The following ADGRL2 variants were observed in gnomAD, a reference collection of about 807,000 sequenced individuals.
ADGRL2 encodes the protein adhesion G protein-coupled receptor L2.
In ADGRL2, 44 loss-of-function variants were observed where a neutral mutation model predicts 157.4. That is an observed-to-expected ratio of 0.28 (90% CI 0.22 to 0.36). The LOEUF is 0.36. Among genes scored for constraint, ADGRL2 ranks in the 10% least tolerant of loss-of-function variants. The probability of loss-of-function intolerance (pLI) is 1.00; values close to 1 mark genes in which losing one functional copy is unlikely to be tolerated. For missense variants in ADGRL2, 1,510 were observed against 1,768.9 expected (o/e 0.85, Z 2.63); for synonymous variants, 585 against 624.7 (o/e 0.94, Z 0.95).
chr1:81,941,823 T>C (rs149253224), intron 4 of ADGRL2, among the ~76,000 whole-genome samples: 63 of 151,964 alleles, frequency 4.1e-4, no homozygotes, highest in African/African-American at 1.5e-3. Context: ...AAATGATTGA[T>C]CCATGTTCTT....
intron 2 of ADGRL2, among the ~76,000 whole-genome samples, chr1:81,482,635 G>A (rs1003202828): frequency 7.2e-5 from 11 of 151,946 alleles, no homozygotes; most frequent in African/African-American, 2.2e-4. Flanking sequence ...ATTCTAGATA[G>A]TAGTAATTAT....
intron 1 of ADGRL2, among the ~76,000 whole-genome samples, chr1:81,821,582 A>G (rs1185302070): frequency 6.6e-6 from 1 of 152,166 alleles, no homozygotes; most frequent in Non-Finnish European, 1.5e-5. Context: ...ACTACTGTAA[A>G]TTGCATTATA....
At position 81,986,906 on chromosome 1, in the gene ADGRL2, A is replaced by T. The variant is rs1469522783; in HGVS notation, c.3514A>T (p.Thr1172Ser). 1.2e-6 allele frequency: 2 copies of T among 1,606,694 alleles called. No individual in the cohort carries two copies. Among genetic ancestry groups the T allele is most frequent in the African/African-American group, 1.3e-5 (1 of 74,346 alleles). ...NSTSTLNQGM[T>S]GNYLLTNPLL... ...GTTTTTTTTTTTTACTTTAGGAATGACTGGCAATTACCTACTAACAAACCC... is the reference window on the plus strand; with the variant it reads ...GTTTTTTTTTTTTACTTTAGGAATGTCTGGCAATTACCTACTAACAAACCC... The change falls in exon 22 of 24, where the codon ACT becomes TCT. Residue 1172 changes from threonine (T) to serine (S), a missense_variant. Thr to Ser is a moderately conservative substitution (Grantham distance 58). Coordinates refer to ENST00000686636, the MANE Select transcript of ADGRL2 (RefSeq NM_001366006.2).
At chr1:81,827,275 A>G (rs941493621) in intron 1 of ADGRL2, among the ~76,000 whole-genome samples, 1 of 152,158 alleles carries the variant, frequency 6.6e-6, no homozygotes, top group East Asian at 1.9e-4. Context: ...TATATCCAGT[A>G]TTTCATATGG....
chr1:81,432,049 A>C (rs1459671510), intron 1 of ADGRL2, among the ~76,000 whole-genome samples: 1 of 152,238 alleles, frequency 6.6e-6, no homozygotes, highest in Non-Finnish European at 1.5e-5. Flanking sequence ...ATTGTTCTTC[A>C]ACAAATAATT....
intron 13 of ADGRL2, among the ~76,000 whole-genome samples, chr1:81,967,541 G>A (rs6598974): frequency 0.99 from 151,443 of 152,226 alleles, 75,333 homozygotes; most frequent in Non-Finnish European, 1. Flanking sequence ...GATTACAGGC[G>A]TGAGCCACCG....
chr1:81,655,897 G>A (rs113481486), intron 3 of ADGRL2, among the ~76,000 whole-genome samples: 29 of 152,180 alleles, frequency 1.9e-4, no homozygotes, highest in South Asian at 8.3e-4. Flanking sequence ...AAAGTCCCCC[G>A]GAGATCATCT....
chr1:81,783,545 AAAAT>A (rs1464151020), intron 2 of ADGRL2, among the ~76,000 whole-genome samples: 1 of 152,168 alleles, frequency 6.6e-6, no homozygotes, highest in East Asian at 1.9e-4. Context: ...AATATGAAAG[AAAAT>A]AAATAAGTAA....
At chr1:81,872,236 T>C (rs1399614186) in intron 2 of ADGRL2, among the ~76,000 whole-genome samples, 1 of 152,204 alleles carries the variant, frequency 6.6e-6, no homozygotes, top group Admixed American at 6.5e-5. Flanking sequence ...AAAGATCAGA[T>C]GGTTGTAGAT....
chr1:81,394,975 T>C (rs6679752), intron 1 of ADGRL2, among the ~76,000 whole-genome samples: 35,026 of 151,818 alleles, frequency 0.23, 4,216 homozygotes, highest in Middle Eastern at 0.3. Flanking sequence ...CTCAGCTCAC[T>C]GCAACATCCA....
intron 1 of ADGRL2, among the ~76,000 whole-genome samples, chr1:81,371,793 C>T (rs2076164582): frequency 1.3e-5 from 2 of 152,158 alleles, no homozygotes. Flanking sequence ...TCCATGTAAC[C>T]ATTCATTCAT....
chr1:81,523,206 C>A (rs1034117615), intron 2 of ADGRL2, among the ~76,000 whole-genome samples: 4 of 152,030 alleles, frequency 2.6e-5, no homozygotes, highest in Non-Finnish European at 1.5e-5. Context: ...TTAACTTTAC[C>A]TGTAGCTATT....
At chr1:81,442,742 C>T (rs1336179064) in intron 1 of ADGRL2, among the ~76,000 whole-genome samples, 1 of 152,156 alleles carries the variant, frequency 6.6e-6, no homozygotes, top group African/African-American at 2.4e-5. Context: ...GAACAAGGAC[C>T]TATCCATGAG....
intron 3 of ADGRL2, among the ~76,000 whole-genome samples, chr1:81,663,840 C>G (rs944498324): frequency 6.6e-6 from 1 of 152,108 alleles, no homozygotes; most frequent in African/African-American, 2.4e-5. Context: ...GCTACTTGTT[C>G]TCACAGTACT....
At chr1:81,577,532 C>A (rs1248289803) in intron 2 of ADGRL2, among the ~76,000 whole-genome samples, 1 of 152,134 alleles carries the variant, frequency 6.6e-6, no homozygotes, top group Non-Finnish European at 1.5e-5. Flanking sequence ...TGTAGCTGTG[C>A]CTTGGAGTCA....
At chr1:81,634,207 T>A (rs1188065279) in intron 3 of ADGRL2, among the ~76,000 whole-genome samples, 1 of 152,192 alleles carries the variant, frequency 6.6e-6, no homozygotes, top group Admixed American at 6.5e-5. Flanking sequence ...TGAGGACTAA[T>A]ATTAACCACC....
chr1:81,697,408 C>A (rs1397093207), upstream of ADGRL2, among the ~76,000 whole-genome samples: 1 of 151,998 alleles, frequency 6.6e-6, no homozygotes, highest in Non-Finnish European at 1.5e-5. Flanking sequence ...TTGATTGTTG[C>A]CAATCTGAAG....
At chr1:81,578,122 A>T (rs1462591197) in intron 2 of ADGRL2, among the ~76,000 whole-genome samples, 1 of 152,146 alleles carries the variant, frequency 6.6e-6, no homozygotes, top group African/African-American at 2.4e-5. Context: ...GAAAACAACA[A>T]GTTAGTTAGT....
At chr1:81,800,821 G>C (rs1186745879), upstream of ADGRL2, among the ~76,000 whole-genome samples, 26 of 150,650 alleles carry the variant, frequency 1.7e-4, no homozygotes, top group Non-Finnish European at 3.0e-5. Flanking sequence ...TTAATGGGGG[G>C]AGCTGGAGGC....
Sources: gnomAD v4.1 joint callset for allele counts (sites outside exome capture counted in the v4.1 genomes callset) on GRCh38, gnomAD v4.1.1 for gene constraint, MANE v1.5 for transcripts, NCBI Gene and HGNC (gene_info 2026-07-23, HGNC 2026-07-21) for gene names.